MYO3A: variants seen among roughly 807,000 people sequenced by gnomAD.
MYO3A encodes the protein myosin IIIA, also known as myosin-IIIa.
A neutral mutation model predicts 192.7 loss-of-function variants in MYO3A; 180 were observed. The ratio of observed to expected loss-of-function variants is 0.93; its 90% CI spans 0.83 to 1.06. The LOEUF (loss-of-function observed/expected upper bound fraction) is 1.06, where lower values mean the gene tolerates loss of function less well. Ranked by LOEUF, MYO3A falls within the 50% of genes least tolerant of loss-of-function variation. The pLI is 0.00. For missense variants in MYO3A, 1,896 were observed against 1,905.0 expected (o/e 1.00, Z 0.09); for synonymous variants, 628 against 645.3 (o/e 0.97, Z 0.41).
chr10:26,049,665 CTTTCTTTCTTTT>C (rs1393621499), intron 10 of MYO3A, among the ~76,000 whole-genome samples: 1 of 71,522 alleles, frequency 1.4e-5, no homozygotes, highest in African/African-American at 4.4e-5. Context: ...TTCTTTCTTT[CTTTCTTTCTTTT>C]TTTTTTTTTT....
chr10:26,026,771 G>A (rs554020689), intron 10 of MYO3A, among the ~76,000 whole-genome samples: 14 of 152,070 alleles, frequency 9.2e-5, no homozygotes, highest in South Asian at 6.3e-4. Flanking sequence ...GCACGATCTC[G>A]GCTCACTGCA....
At chr10:26,021,942 G>T in intron 8 of MYO3A, 1 of 399,252 alleles carries the variant, frequency 2.5e-6, no homozygotes, top group Non-Finnish European at 4.8e-6. Flanking sequence ...TCCCCAATGA[G>T]TCAGTGAGGC....
At chr10:25,935,964 G>A (rs1250365643) in intron 2 of MYO3A, 134 bp downstream of exon 2, 3 of 151,978 alleles carry the variant, frequency 2.0e-5, no homozygotes, top group African/African-American at 4.8e-5. Context: ...TTTTAAAATG[G>A]GAAAATTTAC....
At chr10:26,000,190 C>T (rs996299051) in intron 6 of MYO3A, among the ~76,000 whole-genome samples, 1 of 152,182 alleles carries the variant, frequency 6.6e-6, no homozygotes, top group Non-Finnish European at 1.5e-5. Flanking sequence ...TTCTTTATAT[C>T]TCTTGGTGCT....
At chr10:26,031,504 G>A (rs1221091049) in intron 10 of MYO3A, among the ~76,000 whole-genome samples, 1 of 152,104 alleles carries the variant, frequency 6.6e-6, no homozygotes, top group Admixed American at 6.5e-5. Context: ...GTAGGTGAAA[G>A]TAGGTGGTGA....
chr10:25,941,041 A>G (rs1033301001), intron 2 of MYO3A, among the ~76,000 whole-genome samples: 5 of 152,216 alleles, frequency 3.3e-5, no homozygotes, highest in Non-Finnish European at 5.9e-5. Flanking sequence ...GATTTGTATT[A>G]GGCTGAATCA....
rs201882363 is a variant in MYO3A at position 26,096,631 on chromosome 10, C to T, written c.1725C>T (p.Ser575=). 11 of 1,606,854 alleles carry T rather than the reference C, an allele frequency of 6.8e-6. No homozygotes were observed. In the East Asian group the frequency reaches 2.5e-4, roughly 36 times the overall value. The change falls in exon 17 of 35, where the codon TCC becomes TCT. Residue 575 remains serine, a synonymous_variant. Coordinates refer to ENST00000642920, the MANE Select transcript of MYO3A (RefSeq NM_017433.5). ...QDIMNNSFYK[S]QYELIEQCFK... is the part of the protein sequence containing the mutation. ...TCATGAATAATAGTTTCTATAAATC[C>T]CAGTATGAATTAATTGAGCAATGTT...
At chr10:26,075,651 G>GTC (rs1170017941) in intron 14 of MYO3A, among the ~76,000 whole-genome samples, 3 of 133,620 alleles carry the variant, frequency 2.2e-5, no homozygotes, top group African/African-American at 5.4e-5. Flanking sequence ...TGATATATAT[G>GTC]TCTCTCATAT....
intron 14 of MYO3A, among the ~76,000 whole-genome samples, chr10:26,072,859 A>G (rs986804033): frequency 1.3e-5 from 2 of 152,218 alleles, no homozygotes; most frequent in Non-Finnish European, 2.9e-5. Flanking sequence ...TTTTACTGCT[A>G]TGTGCTTATT....
chr10:26,165,914 TC>T, intron 26 of MYO3A, 152 bp from the exon 27 acceptor site: 1 of 756,292 alleles, frequency 1.3e-6, no homozygotes, highest in Non-Finnish European at 2.4e-6. Flanking sequence ...TTTGGTCTAC[TC>T]CGAAGTTGTT....
At chr10:26,198,396 G>A (rs980611199) in intron 32 of MYO3A, among the ~76,000 whole-genome samples, 8 of 152,208 alleles carry the variant, frequency 5.3e-5, no homozygotes, top group Non-Finnish European at 1.2e-4. Context: ...CAGCAAAAAT[G>A]ACTCAGGGCC....
chr10:26,066,675 T>C (rs1010882425), intron 10 of MYO3A, among the ~76,000 whole-genome samples: 5 of 152,212 alleles, frequency 3.3e-5, no homozygotes, highest in Non-Finnish European at 5.9e-5. Flanking sequence ...CATCACCTTG[T>C]AACAGATTCA....
At chr10:26,186,965 A>T (rs901178565) in intron 31 of MYO3A, among the ~76,000 whole-genome samples, 2 of 152,202 alleles carry the variant, frequency 1.3e-5, no homozygotes, top group African/African-American at 2.4e-5. Context: ...GAATTATCCC[A>T]GATTTTCTTC....
At chr10:26,081,676 TCC>T (rs1381506815) in intron 14 of MYO3A, among the ~76,000 whole-genome samples, 2 of 152,194 alleles carry the variant, frequency 1.3e-5, no homozygotes, top group African/African-American at 4.8e-5. Context: ...TACCATTGGA[TCC>T]CTGTGGTGCC....
intron 31 of MYO3A, among the ~76,000 whole-genome samples, chr10:26,187,227 G>A (rs1000437447): frequency 2.0e-5 from 3 of 151,446 alleles, no homozygotes; most frequent in African/African-American, 4.9e-5. Flanking sequence ...GAGACTTCGA[G>A]TTCCACTATT....
Position 26,026,765 on chromosome 10 carries a change from G to A in MYO3A, c.953+233G>A, listed in dbSNP as rs139635391. Among the ~76,000 whole-genome samples the A allele has an allele frequency of 3.7e-3, 568 of 152,114 alleles. 3 individuals are homozygous for A. Among genetic ancestry groups the A allele is most frequent in the African/African-American group, 0.013 (538 of 41,500 alleles). The stretch of plus-strand genomic sequence containing the variant: ...TGCCCAGGCTGGAGTGCAGAGGCAC[G>A]ATCTCGGCTCACTGCAACCTCCACC... On this transcript the variant is annotated intron_variant, in intron 10 of 34. Coordinates refer to ENST00000642920, the MANE Select transcript of MYO3A (RefSeq NM_017433.5).
rs142523210 is a variant in MYO3A at position 25,985,388 on chromosome 10, GAAAC to G, written c.304-11082_304-11079del. On this transcript the variant is annotated intron_variant, in intron 4 of 34. Coordinates refer to ENST00000642920, the MANE Select transcript of MYO3A (RefSeq NM_017433.5). ...GATCAGAATAGAACTAAATGGAATT[GAAAC>G]AAACAAACAAACAAACAAAAACAAC... is the stretch of plus-strand genomic sequence containing the variant. 1.7e-3 allele frequency among the ~76,000 whole-genome samples: 252 copies of G among 151,726 alleles called. 2 individuals carry two copies. The highest frequency in any genetic ancestry group is 5.1e-3 in the African/African-American group (212 of 41,316).
chr10:26,091,674 C>T (rs530500070), intron 15 of MYO3A, among the ~76,000 whole-genome samples: 13 of 152,350 alleles, frequency 8.5e-5, no homozygotes, highest in Admixed American at 4.6e-4. Flanking sequence ...AAGCACCTTA[C>T]AGCCATTATC....
intron 22 of MYO3A, 28 bp from the exon 23 acceptor site, chr10:26,147,402 T>G: frequency 6.3e-7 from 1 of 1,597,486 alleles, no homozygotes; most frequent in Non-Finnish European, 8.6e-7. Flanking sequence ...ACATTGATTG[T>G]GATAATTATA....
Sources: gnomAD v4.1 joint callset for allele counts (sites outside exome capture counted in the v4.1 genomes callset) on GRCh38, gnomAD v4.1.1 for gene constraint, MANE v1.5 for transcripts, NCBI Gene and HGNC (gene_info 2026-07-23, HGNC 2026-07-21) for gene names.